TPRG1: variants seen among roughly 807,000 people sequenced by gnomAD.
TPRG1 encodes tumor protein p63 regulated 1.
Under a neutral mutation model 29.3 loss-of-function variants are expected in TPRG1, and 29 were observed. The ratio of observed to expected loss-of-function variants is 0.99; its 90% confidence interval spans 0.74 to 1.35. TPRG1 has a LOEUF of 1.35. TPRG1 is among the 40% of genes most tolerant of loss of function. The probability of loss-of-function intolerance (pLI) is 0.00; values close to 1 mark genes in which losing one functional copy is unlikely to be tolerated. For missense variants in TPRG1, 327 were observed against 335.0 expected (o/e 0.98, Z 0.19); for synonymous variants, 130 against 116.8 (o/e 1.11, Z -0.73).
At chr3:189,218,560 C>T (rs1029181466) in intron 3 of TPRG1, among the ~76,000 whole-genome samples, 1 of 152,182 alleles carries the variant, frequency 6.6e-6, no homozygotes, top group Admixed American at 6.5e-5. Flanking sequence ...ACAAGGATTC[C>T]CATTTCAGAA....
At chr3:189,110,067 G>T (rs1268406357) in intron 1 of TPRG1, among the ~76,000 whole-genome samples, 3 of 152,132 alleles carry the variant, frequency 2.0e-5, no homozygotes, top group Non-Finnish European at 2.9e-5. Context: ...AAATAAAGCT[G>T]CTATAAACAT....
At chr3:189,141,361 CCATT>C (rs3065345) in intron 3 of TPRG1, among the ~76,000 whole-genome samples, 125 of 151,412 alleles carry the variant, frequency 8.3e-4, no homozygotes, top group Admixed American at 1.8e-3. Context: ...GACATTCTAG[CCATT>C]CATTCATTCA....
chr3:188,999,774 A>C (rs770481094), intron 1 of TPRG1, among the ~76,000 whole-genome samples: 2 of 152,094 alleles, frequency 1.3e-5, no homozygotes, highest in Non-Finnish European at 2.9e-5. Context: ...ACTTTCTTGG[A>C]TATTTAGATG....
At chr3:189,181,316 A>T (rs1408022654) in intron 1 of TPRG1, among the ~76,000 whole-genome samples, 1 of 152,154 alleles carries the variant, frequency 6.6e-6, no homozygotes, top group Non-Finnish European at 1.5e-5. Context: ...CTCCTGAGAA[A>T]ATGGGATTTT....
At chr3:189,034,883 A>G (rs111500833) in intron 4 of TPRG1, among the ~76,000 whole-genome samples, 114 of 152,328 alleles carry the variant, frequency 7.5e-4, no homozygotes, top group African/African-American at 2.3e-3. Flanking sequence ...TACAGATTCA[A>G]TGCTATTTCT....
chr3:189,172,796 C>G (rs1241888960), intron 1 of TPRG1, among the ~76,000 whole-genome samples: 1 of 152,160 alleles, frequency 6.6e-6, no homozygotes, highest in Non-Finnish European at 1.5e-5. Flanking sequence ...ACAGCGATGA[C>G]TACTTGGCGC....
intron 4 of TPRG1, among the ~76,000 whole-genome samples, chr3:189,078,120 T>C (rs1301066323): frequency 7.0e-6 from 1 of 143,880 alleles, no homozygotes; most frequent in Non-Finnish European, 1.5e-5. Flanking sequence ...TTTCTTTCTT[T>C]CTTTCTTTCT....
At position 189,285,840 on chromosome 3, in the gene TPRG1, A is replaced by G. The variant is rs112594351; in HGVS notation, c.480-24546A>G. Among the ~76,000 whole-genome samples, 162 of 152,176 alleles carry G rather than the reference A, an allele frequency of 1.1e-3. 1 individual carries two copies. The highest frequency in any genetic ancestry group is 3.4e-3 in the Middle Eastern group (1 of 294). On this transcript the variant is annotated intron_variant, in intron 4 of 5. Coordinates refer to ENST00000345063, the MANE Select transcript of TPRG1 (RefSeq NM_198485.4). ...CCCTTAGACGATTCTGCCTTGTACTATCTCCATAGAGACTTCTCTCACTTT... is the reference window on the plus strand; with the variant it reads ...CCCTTAGACGATTCTGCCTTGTACTGTCTCCATAGAGACTTCTCTCACTTT...
chr3:189,001,511 G>A (rs1319915897), intron 2 of TPRG1, among the ~76,000 whole-genome samples: 1 of 152,136 alleles, frequency 6.6e-6, no homozygotes, highest in Non-Finnish European at 1.5e-5. Context: ...GGGCAAACAA[G>A]CTCCCTTGGG....
At position 189,183,414 on chromosome 3, in the gene TPRG1, A is replaced by G. The variant is rs113278541; in HGVS notation, c.-10+11283A>G. Reference sequence around the variant, plus strand: ...GATTGCTAATGAAGTTTCGGGCACCATTGTCATTGATAACATCTTATCAGG... The same window carrying G: ...GATTGCTAATGAAGTTTCGGGCACCGTTGTCATTGATAACATCTTATCAGG... On this transcript the variant is annotated intron_variant, in intron 1 of 5. Transcript: ENST00000345063. Among the ~76,000 whole-genome samples the G allele has an allele frequency of 6.0e-4, 91 of 152,274 alleles. 3 individuals carry two copies. The highest frequency in any genetic ancestry group is 3.4e-3 in the Middle Eastern group (1 of 294).
chr3:189,048,682 G>A (rs1243437347), intron 4 of TPRG1, among the ~76,000 whole-genome samples: 3 of 152,156 alleles, frequency 2.0e-5, no homozygotes, highest in Non-Finnish European at 4.4e-5. Context: ...AGAGCAGCAT[G>A]AGGAGGCTTG....
chr3:189,171,031 G>T (rs143772262), upstream of TPRG1, among the ~76,000 whole-genome samples: 541 of 152,228 alleles, frequency 3.6e-3, 2 homozygotes, highest in African/African-American at 0.012. Context: ...TGTTTTCTGT[G>T]CTCTCCTTTC....
chr3:189,198,188 C>T (rs954341753), intron 1 of TPRG1, among the ~76,000 whole-genome samples: 1 of 152,172 alleles, frequency 6.6e-6, no homozygotes, highest in East Asian at 1.9e-4. Context: ...GGAACACACT[C>T]CTCTCACACC....
chr3:189,259,171 G>C (rs771972048), intron 4 of TPRG1, among the ~76,000 whole-genome samples: 1 of 151,970 alleles, frequency 6.6e-6, no homozygotes, highest in African/African-American at 2.4e-5. Context: ...TGTGAAGATC[G>C]TGGGGAAAGC....
At chr3:189,278,480 G>A (rs1456714368) in intron 4 of TPRG1, among the ~76,000 whole-genome samples, 1 of 152,162 alleles carries the variant, frequency 6.6e-6, no homozygotes, top group Non-Finnish European at 1.5e-5. Flanking sequence ...TCCCTTGTCA[G>A]TAATGGGCTA....
chr3:189,043,038 G>T (rs1036315927), intron 4 of TPRG1, among the ~76,000 whole-genome samples: 15 of 152,162 alleles, frequency 9.9e-5, no homozygotes, highest in African/African-American at 3.1e-4. Flanking sequence ...CAAATATTTT[G>T]TAAAGCAAAG....
At chr3:189,201,443 G>T (rs992788952) in intron 1 of TPRG1, among the ~76,000 whole-genome samples, 1 of 152,124 alleles carries the variant, frequency 6.6e-6, no homozygotes, top group Non-Finnish European at 1.5e-5. Flanking sequence ...CAGCTGGTCC[G>T]GTAGGCAGAG....
intron 4 of TPRG1, among the ~76,000 whole-genome samples, chr3:189,043,709 C>G (rs1472524684): frequency 6.6e-6 from 1 of 152,078 alleles, no homozygotes; most frequent in Non-Finnish European, 1.5e-5. Flanking sequence ...GACACCCACT[C>G]TTGAATTGAA....
At chr3:189,317,066 G>A (rs1181355476) in intron 5 of TPRG1, among the ~76,000 whole-genome samples, 1 of 152,084 alleles carries the variant, frequency 6.6e-6, no homozygotes, top group South Asian at 2.1e-4. Context: ...ATGAAATAGT[G>A]CCAACTTTTA....
Sources: allele counts gnomAD v4.1 joint callset (sites outside exome capture counted in the v4.1 genomes callset), GRCh38; gene constraint gnomAD v4.1.1; transcripts MANE v1.5; gene names NCBI Gene and HGNC (gene_info 2026-07-23, HGNC 2026-07-21).